The following IGFBPL1 variants were observed in gnomAD, a reference collection of about 807,000 sequenced individuals.
IGFBPL1 encodes the protein insulin like growth factor binding protein like 1, also known as insulin-like growth factor-binding protein-like 1.
IGFBPL1 carries 20 observed loss-of-function variants against 23.9 expected under a neutral mutation model. The observed-to-expected ratio is 0.84, with a 90% CI of 0.59 to 1.22. IGFBPL1 has a LOEUF of 1.22. Among genes scored for constraint, IGFBPL1 ranks in the 50% most tolerant of loss-of-function variants. IGFBPL1 has a pLI of 0.00. For missense variants in IGFBPL1, 436 were observed against 379.3 expected (o/e 1.15, Z -1.24); for synonymous variants, 184 against 171.8 (o/e 1.07, Z -0.56).
In IGFBPL1 at chr9:38,411,411, C is replaced by A. The variant is rs148992407; in HGVS notation, c.826G>T (p.Asp276Tyr). The A allele has an allele frequency of 6.2e-7, 1 of 1,607,478 alleles. No homozygotes were observed. The highest frequency in any genetic ancestry group is 1.1e-5 in the South Asian group (1 of 90,784). ...TGTACATTTCTCCATCACATGCGGT[C>A]ATCGGGAGCTGGGAAGTGGAAGCTC... ...YRSFHFPAPD[D>Y]RM Residue 276 changes from aspartate to tyrosine, a missense_variant, in exon 4 of 5, where the codon GAC becomes TAC. Physicochemically the swap from Asp to Tyr is radical, Grantham distance 160 (BLOSUM62 -3). Transcript: ENST00000377694.
At chr9:38,416,527 C>T (rs1445315092) in intron 1 of IGFBPL1, among the ~76,000 whole-genome samples, 1 of 152,134 alleles carries the variant, frequency 6.6e-6, no homozygotes, top group African/African-American at 2.4e-5. Flanking sequence ...TAAATTTACA[C>T]AAAGCACAAT....
In IGFBPL1 at chr9:38,424,437, G is replaced by C; in HGVS notation, c.-13C>G. 5.5e-6 allele frequency: 3 copies of C among 540,604 alleles called. No individual in the cohort carries two copies. In the South Asian group the frequency reaches 6.4e-5, roughly 12 times the overall value. The allele number at this position is 540,604 out of a possible 1,614,324, so 33.5% of individuals were successfully genotyped here. A position where few individuals can be genotyped will look rare whatever the true frequency, so the allele number is the denominator to read the frequency against. Reference sequence around the variant, plus strand: ...ACAAGCGCGGCATGGCTTGCTCCGGGACAGCGGCGGCGCCTCTGCTTCGCG... The same window carrying C: ...ACAAGCGCGGCATGGCTTGCTCCGGCACAGCGGCGGCGCCTCTGCTTCGCG... On this transcript the variant is annotated 5_prime_UTR_variant, in exon 1 of 5. Coordinates refer to ENST00000377694, the MANE Select transcript of IGFBPL1 (RefSeq NM_001007563.3).
chr9:38,424,159 A>G lies in IGFBPL1; in HGVS notation c.266T>C (p.Leu89Pro). ...GRAGGRCGPG[L>P]VCASQAAGAA... ...CCCAGCGGCCTGGCTCGCGCATACC[A>G]GGCCGGGGCCACAGCGCCCGCCGGC... Residue 89 changes from leucine (L) to proline (P), a missense_variant, in exon 1 of 5, where the codon CTG (leucine) becomes CCG (proline). Leu to Pro is a moderately conservative substitution (Grantham distance 98, BLOSUM62 -3). Coordinates refer to ENST00000377694, the MANE Select transcript of IGFBPL1 (RefSeq NM_001007563.3). 5.8e-6 allele frequency: 7 copies of G among 1,196,762 alleles called. No individual in the cohort carries two copies. Among genetic ancestry groups the G allele is most frequent in the Non-Finnish European group, 7.2e-6 (7 of 966,514 alleles). 74.1% of individuals were successfully genotyped at this position (1,196,762 alleles called of 1,614,324 possible). A position where few individuals can be genotyped will look rare whatever the true frequency, so the allele number is the denominator to read the frequency against.
Position 38,413,946 on chromosome 9 carries a change from C to T in IGFBPL1, c.570+148G>A, listed in dbSNP as rs945396279. ...GGTACAGATGATATCTTTTCTTCAT[C>T]CTCTGGCCCACCTATAAAGGCATAT... is the stretch of plus-strand genomic sequence containing the variant. On this transcript the variant is annotated intron_variant, in intron 2 of 4. Transcript: ENST00000377694. The T allele has an allele frequency of 9.8e-6, 6 of 613,964 alleles. No homozygotes were observed. The African/African-American group carries it at 1.1e-4, about 12-fold the overall frequency. The allele number at this position is 613,964 out of a possible 1,614,324, so 38.0% of individuals were successfully genotyped here.
chr9:38,420,312 T>C (rs1821661414), intron 1 of IGFBPL1, among the ~76,000 whole-genome samples: 1 of 152,146 alleles, frequency 6.6e-6, no homozygotes, highest in Admixed American at 6.5e-5. Flanking sequence ...CCTCTGAGCC[T>C]CAGTTCATGC....
chr9:38,414,275 T>C, intron 1 of IGFBPL1, 72 bp from the exon 2 acceptor site: 2 of 851,696 alleles, frequency 2.3e-6, no homozygotes, highest in Non-Finnish European at 3.8e-6. Flanking sequence ...TAAATTCCCC[T>C]GCCGCGGAGA....
intron 1 of IGFBPL1, among the ~76,000 whole-genome samples, chr9:38,420,568 G>A (rs568974298): frequency 3.6e-4 from 55 of 152,324 alleles, no homozygotes; most frequent in Non-Finnish European, 4.1e-4. Context: ...GCATGGTGGC[G>A]CACGCCTGTA....
Position 38,420,092 on chromosome 9 carries a change from C to T in IGFBPL1, c.460+3873G>A, listed in dbSNP as rs116657873. ...TTTTTGTAGAGATGGGATCTTGCTGCGTTGCCCAGGCTATCCTTGAACTCC... is the reference window on the plus strand; with the variant it reads ...TTTTTGTAGAGATGGGATCTTGCTGTGTTGCCCAGGCTATCCTTGAACTCC... On this transcript the variant is annotated intron_variant, in intron 1 of 4. Coordinates refer to ENST00000377694, the MANE Select transcript of IGFBPL1 (RefSeq NM_001007563.3). Among the ~76,000 whole-genome samples, 781 of 152,252 alleles carry T rather than the reference C, an allele frequency of 5.1e-3. 6 individuals carry two copies. The highest frequency in any genetic ancestry group is 0.017 in the African/African-American group (726 of 41,538).
rs531469347 is a variant in IGFBPL1, at chr9:38,416,595, C to A, written c.461-2392G>T. Reference sequence around the variant, plus strand: ...ACAAATGGATACAGTCATGTAATTACCACTATAGCCAAGATACAGAACAGT... The same window carrying A: ...ACAAATGGATACAGTCATGTAATTAACACTATAGCCAAGATACAGAACAGT... On this transcript the variant is annotated intron_variant, in intron 1 of 4. Transcript: ENST00000377694. Among the ~76,000 whole-genome samples the A allele has an allele frequency of 2.6e-5, 4 of 152,128 alleles. No homozygotes were observed. The South Asian group carries it at 8.3e-4, about 32-fold the overall frequency.
intron 3 of IGFBPL1, 115 bp from the exon 4 acceptor site, chr9:38,411,664 C>G (rs1185025240): frequency 2.1e-6 from 2 of 940,936 alleles, no homozygotes; most frequent in East Asian, 5.3e-5. Context: ...TAAGGTAAAA[C>G]TTGCTCTATT....
At chr9:38,420,614 A>G (rs1184083876) in intron 1 of IGFBPL1, among the ~76,000 whole-genome samples, 1 of 152,046 alleles carries the variant, frequency 6.6e-6, no homozygotes, top group Admixed American at 6.5e-5. Context: ...CGGGCAGATC[A>G]TGAGGTAGGA....
intron 4 of IGFBPL1, among the ~76,000 whole-genome samples, chr9:38,409,954 A>G (rs1587411716): frequency 6.6e-6 from 1 of 152,076 alleles, no homozygotes; most frequent in East Asian, 1.9e-4. Context: ...TTGTATTATA[A>G]TTATGTCCAC....
In IGFBPL1 at chr9:38,421,284, C is replaced by CAAAA. The variant is rs35342818; in HGVS notation, c.460+2677_460+2680dup. ...TGGGAGATACAGTGAGACCCTGTCT[C>CAAAA]AAAAAAAAAAAAAAAAAAAAAGGAT... On this transcript the variant is annotated intron_variant, in intron 1 of 4. Transcript: ENST00000377694. Among the ~76,000 whole-genome samples the CAAAA allele has an allele frequency of 2.4e-3, 217 of 91,350 alleles. 3 individuals are homozygous for CAAAA. Among genetic ancestry groups the CAAAA allele is most frequent in the Middle Eastern group, 0.012 (2 of 166 alleles). The allele number at this position is 91,350 out of a possible 152,430, so 59.9% of individuals were successfully genotyped here. A position where few individuals can be genotyped will look rare whatever the true frequency, so the allele number is the denominator to read the frequency against.
At chr9:38,411,309 CT>C (rs200008297) in intron 4 of IGFBPL1, 81 bp downstream of exon 4, 33 of 1,257,770 alleles carry the variant, frequency 2.6e-5, no homozygotes, top group Middle Eastern at 1.9e-4. Context: ...TATTTTTCTT[CT>C]TTTTTTTACA....
chr9:38,419,420 G>A (rs941353911), intron 1 of IGFBPL1, among the ~76,000 whole-genome samples: 3 of 152,092 alleles, frequency 2.0e-5, no homozygotes, highest in Admixed American at 6.5e-5. Flanking sequence ...TCCCTCTCAC[G>A]AAGTGGCATG....
chr9:38,410,215 G>A (rs1261423899), intron 4 of IGFBPL1, among the ~76,000 whole-genome samples: 1 of 152,174 alleles, frequency 6.6e-6, no homozygotes, highest in African/African-American at 2.4e-5. Context: ...AGGCACGGTG[G>A]CTCACGCCTG....
At position 38,423,959 on chromosome 9, in the gene IGFBPL1, ACT is replaced by A; in HGVS notation, c.460+4_460+5del. On this transcript the variant is annotated splice_donor_5th_base_variant and intron_variant, in intron 1 of 4. Transcript: ENST00000377694. ...TCTACCCACCCAATCCCCGACCCTGACTCACCGAACTCGCAAGGGCCGTCGCG... is the reference window on the plus strand; with the variant it reads ...TCTACCCACCCAATCCCCGACCCTGACACCGAACTCGCAAGGGCCGTCGCG... 7.2e-7 allele frequency: 1 copy of A among 1,380,784 alleles called. No individual in the cohort carries two copies. Among genetic ancestry groups the A allele is most frequent in the Non-Finnish European group, 9.3e-7 (1 of 1,073,632 alleles). The allele number at this position is 1,380,784 out of a possible 1,614,324, so 85.5% of individuals were successfully genotyped here. A position where few individuals can be genotyped will look rare whatever the true frequency, so the allele number is the denominator to read the frequency against.
At chr9:38,413,625 T>G (rs1378540685) in intron 2 of IGFBPL1, among the ~76,000 whole-genome samples, 4 of 152,196 alleles carry the variant, frequency 2.6e-5, no homozygotes, top group Non-Finnish European at 5.9e-5. Flanking sequence ...TCAGGGCTAT[T>G]GACATTAAGG....
chr9:38,412,058 C>T (rs1821520846), intron 3 of IGFBPL1, among the ~76,000 whole-genome samples: 1 of 152,196 alleles, frequency 6.6e-6, no homozygotes, highest in Non-Finnish European at 1.5e-5. Flanking sequence ...GGAGAAGAGT[C>T]ACCAAGCCTC....
Sources: gnomAD v4.1 joint callset for allele counts (sites outside exome capture counted in the v4.1 genomes callset) on GRCh38, gnomAD v4.1.1 for gene constraint, MANE v1.5 for transcripts, NCBI Gene and HGNC (gene_info 2026-07-23, HGNC 2026-07-21) for gene names.